Variants in ADGRG6 observed in about 807,000 individuals in gnomAD.
The protein encoded by ADGRG6 is adhesion G protein-coupled receptor G6.
In ADGRG6, 84 loss-of-function variants were observed where a neutral mutation model predicts 142.4. The observed-to-expected ratio is 0.59, with a 90% confidence interval of 0.49 to 0.71. The LOEUF (loss-of-function observed/expected upper bound fraction) is 0.71, where lower values mean the gene tolerates loss of function less well. Among genes scored for constraint, ADGRG6 ranks in the 30% least tolerant of loss-of-function variants. The probability of loss-of-function intolerance (pLI) is 0.00; values close to 1 mark genes in which losing one functional copy is unlikely to be tolerated. For missense variants in ADGRG6, 1,367 were observed against 1,466.6 expected (o/e 0.93, Z 1.11); for synonymous variants, 521 against 520.5 (o/e 1.00, Z -0.01).
chr6:142,341,466 A>AGTATATATAGTATAT (rs1221053033), intron 2 of ADGRG6, among the ~76,000 whole-genome samples: 1 of 119,270 alleles, frequency 8.4e-6, no homozygotes, highest in African/African-American at 3.3e-5. Context: ...TAGTATATAT[A>AGTATATATAGTATAT]ATATTATGTA....
At chr6:142,437,060 C>T (rs2115190063) in intron 22 of ADGRG6, among the ~76,000 whole-genome samples, 1 of 152,276 alleles carries the variant, frequency 6.6e-6, no homozygotes, top group East Asian at 1.9e-4. Flanking sequence ...TCCATTTTCT[C>T]TTTTGTTAAA....
At chr6:142,361,443 T>TAGC (rs1243627105) in intron 2 of ADGRG6, among the ~76,000 whole-genome samples, 12 of 152,082 alleles carry the variant, frequency 7.9e-5, no homozygotes, top group African/African-American at 2.9e-4. Flanking sequence ...AAGGCAAGGG[T>TAGC]AGCAGAGGTG....
At chr6:142,427,827 C>T (rs964001036) in intron 22 of ADGRG6, among the ~76,000 whole-genome samples, 2 of 152,076 alleles carry the variant, frequency 1.3e-5, no homozygotes, top group Admixed American at 6.6e-5. Flanking sequence ...AGAAAAACTC[C>T]CATTTTTAAA....
intron 2 of ADGRG6, among the ~76,000 whole-genome samples, chr6:142,347,738 A>G (rs1779976028): frequency 6.6e-6 from 1 of 152,154 alleles, no homozygotes; most frequent in South Asian, 2.1e-4. Context: ...CTGTTTGTCT[A>G]AGATGACTAC....
intron 22 of ADGRG6, among the ~76,000 whole-genome samples, chr6:142,423,531 C>G (rs1194002748): frequency 4.0e-5 from 6 of 150,028 alleles, no homozygotes; most frequent in Admixed American, 2.0e-4. Context: ...TGATCTAGAT[C>G]TCTGTTTTGG....
chr6:142,363,162 A>G (rs1056531915), intron 2 of ADGRG6, among the ~76,000 whole-genome samples: 3 of 152,208 alleles, frequency 2.0e-5, no homozygotes, highest in African/African-American at 7.2e-5. Flanking sequence ...AGAAGAAGCA[A>G]TTATTCAATA....
At chr6:142,364,817 C>T (rs569860606) in intron 2 of ADGRG6, among the ~76,000 whole-genome samples, 14 of 152,184 alleles carry the variant, frequency 9.2e-5, no homozygotes, top group African/African-American at 3.1e-4. Flanking sequence ...GAGGCTGCAG[C>T]GAGGGCCACT....
chr6:142,383,786 C>T lies in ADGRG6; in HGVS notation c.1165C>T (p.Pro389Ser). The change falls in exon 6 of 25, where the codon CCA becomes TCA. Residue 389 changes from proline to serine, a missense_variant. Physicochemically the swap from Pro to Ser is moderately conservative, Grantham distance 74 (BLOSUM62 -1). Around this residue, in one of 3 missense-constraint regions of ADGRG6, gnomAD observed 737 missense variants for 746.5 expected, o/e 0.99. Transcript: ENST00000367609. The stretch of plus-strand genomic sequence containing the variant: ...TACTGTAAACTCTCCTAGTACTACA[C>T]CACCCACTGTCACCACTAACATGCC... ...QATVNSPSTT[P>S]PTVTTNMPVT... 6.3e-7 allele frequency: 1 copy of T among 1,576,502 alleles called. No individual in the cohort carries two copies. Among genetic ancestry groups the T allele is most frequent in the African/African-American group, 1.3e-5 (1 of 74,224 alleles).
intron 2 of ADGRG6, among the ~76,000 whole-genome samples, chr6:142,356,809 A>G (rs1354305305): frequency 6.6e-6 from 1 of 152,230 alleles, no homozygotes; most frequent in East Asian, 1.9e-4. Flanking sequence ...CACTTCGAAC[A>G]TAGCCAAATA....
chr6:142,328,407 T>A, intron 2 of ADGRG6, among the ~76,000 whole-genome samples: 1 of 152,190 alleles, frequency 6.6e-6, no homozygotes, highest in African/African-American at 2.4e-5. Context: ...TTCACCATGT[T>A]GCCCAGCTGG....
chr6:142,433,401 G>T (rs755430541), intron 22 of ADGRG6, among the ~76,000 whole-genome samples: 2 of 152,190 alleles, frequency 1.3e-5, no homozygotes, highest in African/African-American at 4.8e-5. Flanking sequence ...TTATTGAAAG[G>T]ATTGACTGTA....
At chr6:142,338,904 A>C (rs1053423364) in intron 2 of ADGRG6, among the ~76,000 whole-genome samples, 2 of 152,198 alleles carry the variant, frequency 1.3e-5, no homozygotes, top group Non-Finnish European at 2.9e-5. Flanking sequence ...CTTTTCTTTC[A>C]ATAGCTAACT....
At chr6:142,322,882 C>A (rs1185526761) in intron 2 of ADGRG6, among the ~76,000 whole-genome samples, 7 of 152,068 alleles carry the variant, frequency 4.6e-5, no homozygotes, top group Admixed American at 3.9e-4. Flanking sequence ...TTATAAATTT[C>A]ATTTCCCAGC....
intron 2 of ADGRG6, among the ~76,000 whole-genome samples, chr6:142,360,035 T>C (rs1038386656): frequency 6.6e-6 from 1 of 152,146 alleles, no homozygotes; most frequent in Non-Finnish European, 1.5e-5. Context: ...TACAGGACCT[T>C]AAACTGTGGG....
chr6:142,327,008 G>A lies in ADGRG6; in HGVS notation c.103+17364G>A, dbSNP rs577159187. 1.3e-3 allele frequency among the ~76,000 whole-genome samples: 204 copies of A among 152,156 alleles called. 1 individual carries two copies. The highest frequency in any genetic ancestry group is 4.7e-3 in the African/African-American group (197 of 41,512). ...ATTTAATGATTTAGTACCAAATCAT[G>A]GGTATTGTGAAAGTACCCAAGATAA... On this transcript the variant is annotated intron_variant, in intron 2 of 24. Coordinates refer to ENST00000367609, the MANE Select transcript of ADGRG6 (RefSeq NM_198569.3).
At chr6:142,373,612 C>A (rs1484676552) in intron 4 of ADGRG6, among the ~76,000 whole-genome samples, 5 of 152,152 alleles carry the variant, frequency 3.3e-5, no homozygotes, top group African/African-American at 4.8e-5. Flanking sequence ...CATCAGAGAT[C>A]GCTATAACCT....
intron 9 of ADGRG6, among the ~76,000 whole-genome samples, 168 bp from the exon 10 acceptor site, chr6:142,397,445 A>C (rs557048923): frequency 3.9e-5 from 6 of 152,314 alleles, no homozygotes; most frequent in African/African-American, 1.4e-4. Flanking sequence ...AATATTTTTA[A>C]CATTATAATT....
intron 4 of ADGRG6, among the ~76,000 whole-genome samples, chr6:142,377,883 TAATTA>T (rs901611611): frequency 2.6e-5 from 4 of 152,196 alleles, no homozygotes; most frequent in Non-Finnish European, 4.4e-5. Flanking sequence ...AATTTCCTTT[TAATTA>T]AATTAGTCAC....
At chr6:142,439,378 G>C (rs773013439) in intron 24 of ADGRG6, among the ~76,000 whole-genome samples, 1 of 152,254 alleles carries the variant, frequency 6.6e-6, no homozygotes, top group East Asian at 1.9e-4. Context: ...ATGAGCAGAG[G>C]TGAATGGCAC....
Sources: gnomAD v4.1 joint callset for allele counts (sites outside exome capture counted in the v4.1 genomes callset) on GRCh38, gnomAD v4.1.1 for gene constraint, gnomAD v4.1.1 regional missense constraint, MANE v1.5 for transcripts, NCBI Gene and HGNC (gene_info 2026-07-23, HGNC 2026-07-21) for gene names.